Variants in TULP4 observed in about 807,000 individuals in gnomAD.
TULP4 encodes TUB like protein 4, also known as tubby-related protein 4.
Under a neutral mutation model 129.0 loss-of-function variants are expected in TULP4, and 16 were observed. The observed-to-expected ratio is 0.12, with a 90% CI of 0.08 to 0.19. TULP4 has a LOEUF of 0.19. TULP4 is among the 10% of genes least tolerant of loss of function. The pLI, the probability that TULP4 is intolerant of heterozygous loss-of-function variation, is 1.00. For synonymous variants in TULP4, 998 were observed against 854.0 expected, an observed-to-expected ratio of 1.17 and a Z score of -2.94; for missense variants, 1,842 against 2,059.1, an observed-to-expected ratio of 0.89 and a Z score of 2.04.
intron 1 of TULP4, among the ~76,000 whole-genome samples, chr6:158,319,290 C>G (rs1779568855): frequency 1.3e-5 from 2 of 152,130 alleles, no homozygotes; most frequent in African/African-American, 4.8e-5. Context: ...ATACTTGTCT[C>G]TAAGGATTCT....
chr6:158,318,665 A>T (rs925523432), intron 1 of TULP4, among the ~76,000 whole-genome samples: 1 of 152,016 alleles, frequency 6.6e-6, no homozygotes, highest in Admixed American at 6.5e-5. Flanking sequence ...GTTAAATACA[A>T]GTCTATAACT....
chr6:158,332,200 A>ATAT (rs1220293865), intron 1 of TULP4, among the ~76,000 whole-genome samples: 1 of 18,046 alleles, frequency 5.5e-5, no homozygotes, highest in Non-Finnish European at 1.0e-4. Flanking sequence ...AAAAAAAAAA[A>ATAT]ATATATATAT....
chr6:158,395,306 C>T (rs1777681110), intron 1 of TULP4, among the ~76,000 whole-genome samples: 1 of 152,130 alleles, frequency 6.6e-6, no homozygotes, highest in Non-Finnish European at 1.5e-5. Context: ...CCTGGCCGGG[C>T]ACGGTGGCTC....
At chr6:158,384,521 C>T (rs1443290650) in intron 1 of TULP4, among the ~76,000 whole-genome samples, 1 of 152,168 alleles carries the variant, frequency 6.6e-6, no homozygotes, top group Non-Finnish European at 1.5e-5. Context: ...ATCTCCTGAC[C>T]TCATGATCCA....
At chr6:158,248,146 A>G (rs1285257300) in intron 1 of TULP4, among the ~76,000 whole-genome samples, 2 of 152,212 alleles carry the variant, frequency 1.3e-5, no homozygotes, top group African/African-American at 2.4e-5. Context: ...GAATGCCATT[A>G]AAATGTGATG....
chr6:158,506,388 C>G (rs959445515), intron 13 of TULP4, among the ~76,000 whole-genome samples, 190 bp from the exon 14 acceptor site: 13 of 151,984 alleles, frequency 8.6e-5, no homozygotes, highest in African/African-American at 3.1e-4. Flanking sequence ...CCCGCCACCA[C>G]GCCCGGCTAA....
intron 3 of TULP4, among the ~76,000 whole-genome samples, chr6:158,444,031 A>ACG (rs753206738): frequency 6.6e-6 from 1 of 151,738 alleles, no homozygotes; most frequent in Non-Finnish European, 1.5e-5. Flanking sequence ...CATCCTGGCT[A>ACG]ACACGGTGAA....
intron 1 of TULP4, among the ~76,000 whole-genome samples, chr6:158,386,304 TAATA>T (rs559434526): frequency 1.7e-3 from 256 of 152,282 alleles, no homozygotes; most frequent in African/African-American, 4.9e-3. Context: ...TGAATTAGAA[TAATA>T]AATTTGAAAT....
intron 1 of TULP4, among the ~76,000 whole-genome samples, chr6:158,374,861 G>A (rs372684082): frequency 1.3e-5 from 2 of 152,044 alleles, no homozygotes; most frequent in African/African-American, 4.8e-5. Flanking sequence ...AGCTTATTAA[G>A]GACATTTAAA....
At chr6:158,414,990 A>G (rs1462692642) in intron 2 of TULP4, among the ~76,000 whole-genome samples, 1 of 152,228 alleles carries the variant, frequency 6.6e-6, no homozygotes, top group Non-Finnish European at 1.5e-5. Flanking sequence ...TGAGTCTGTA[A>G]TGCTCCACCA....
chr6:158,372,865 G>T, intron 1 of TULP4, among the ~76,000 whole-genome samples: 1 of 152,088 alleles, frequency 6.6e-6, no homozygotes, highest in East Asian at 1.9e-4. Flanking sequence ...TTCATATTCT[G>T]AAAAAATAGC....
intron 1 of TULP4, among the ~76,000 whole-genome samples, chr6:158,304,683 T>TC (rs398085453): frequency 6.6e-6 from 1 of 151,628 alleles, no homozygotes; most frequent in Non-Finnish European, 1.5e-5. Context: ...ATTTTTTTTT[T>TC]TGAGATGGGG....
chr6:158,331,889 C>T (rs1378116478), intron 1 of TULP4, among the ~76,000 whole-genome samples: 1 of 147,652 alleles, frequency 6.8e-6, no homozygotes, highest in Non-Finnish European at 1.5e-5. Flanking sequence ...GAATAATTAA[C>T]TGCCGGGCAC....
At chr6:158,306,186 C>T (rs1779214405) in intron 1 of TULP4, among the ~76,000 whole-genome samples, 1 of 152,278 alleles carries the variant, frequency 6.6e-6, no homozygotes, top group African/African-American at 2.4e-5. Flanking sequence ...AAAACCTTAA[C>T]AGTATATGTG....
intron 6 of TULP4, among the ~76,000 whole-genome samples, chr6:158,477,291 GGGA>G (rs541395217): frequency 4.5e-4 from 68 of 152,236 alleles, no homozygotes; most frequent in African/African-American, 1.5e-3. Context: ...AGAACTAGGA[GGGA>G]GGAGGACAGA....
upstream of TULP4, among the ~76,000 whole-genome samples, chr6:158,308,879 G>T (rs1242988451): frequency 2.1e-5 from 3 of 140,768 alleles, no homozygotes; most frequent in Non-Finnish European, 4.7e-5. Flanking sequence ...CTGGCCGGGT[G>T]GGGGGCTGAC....
Position 158,507,774 on chromosome 6 carries a change from C to T in TULP4, c.*1080C>T, listed in dbSNP as rs9346755. The T allele has an allele frequency of 0.28, 42,406 of 152,156 alleles. 7,274 individuals are homozygous for T. Among genetic ancestry groups the T allele is most frequent in the East Asian group, 0.52 (2,671 of 5,184 alleles). The allele number at this position is 152,156 out of a possible 1,614,324, so 9.4% of individuals were successfully genotyped here. On this transcript the variant is annotated 3_prime_UTR_variant, in exon 14 of 14. Transcript: ENST00000367097. ...GGACAACGCTTGATTTGAAACCACTCCTTTTCTCCTCTTGGCTACATTAAA... is the reference window on the plus strand; with the variant it reads ...GGACAACGCTTGATTTGAAACCACTTCTTTTCTCCTCTTGGCTACATTAAA...
At chr6:158,287,382 T>C (rs1778851411) in intron 1 of TULP4, among the ~76,000 whole-genome samples, 1 of 152,232 alleles carries the variant, frequency 6.6e-6, no homozygotes, top group Admixed American at 6.5e-5. Context: ...CATTTGTTTC[T>C]AGAGTAGAAC....
chr6:158,510,738 T>G lies in TULP4; in HGVS notation c.*4044T>G, dbSNP rs960535384. The G allele has an allele frequency of 6.6e-6, 1 of 152,182 alleles. No homozygotes were observed. The highest frequency in any genetic ancestry group is 6.5e-5 in the Admixed American group (1 of 15,276). 9.4% of individuals were successfully genotyped at this position (152,182 alleles called of 1,614,324 possible). Reference sequence around the variant, plus strand: ...CGGGTGTGCCCTGCTCAGCTGGATGTCCATGAGAACAGCCATGAAATAAGT... The same window carrying G: ...CGGGTGTGCCCTGCTCAGCTGGATGGCCATGAGAACAGCCATGAAATAAGT... On this transcript the variant is annotated 3_prime_UTR_variant, in exon 14 of 14. Transcript: ENST00000367097.
Sources: gnomAD v4.1 joint callset for allele counts (sites outside exome capture counted in the v4.1 genomes callset) on GRCh38, gnomAD v4.1.1 for gene constraint, MANE v1.5 for transcripts, NCBI Gene and HGNC (gene_info 2026-07-23, HGNC 2026-07-21) for gene names.